Variants in ZNF93 observed in about 807,000 individuals in gnomAD.
The protein encoded by ZNF93 is zinc finger protein 505.
Under a neutral mutation model 45.0 loss-of-function variants are expected in ZNF93, and 29 were observed. The observed-to-expected ratio is 0.64, with a 90% CI of 0.48 to 0.88. ZNF93 has a LOEUF of 0.88. Among genes scored for constraint, ZNF93 ranks in the 40% least tolerant of loss-of-function variants. The pLI is 0.00. For missense variants in ZNF93, 578 were observed against 724.0 expected (o/e 0.80, Z 2.31); for synonymous variants, 223 against 244.6 (o/e 0.91, Z 0.82).
intron 3 of ZNF93, among the ~76,000 whole-genome samples, chr19:19,923,382 G>T (rs1357044935): frequency 6.6e-6 from 1 of 152,190 alleles, no homozygotes; most frequent in African/African-American, 2.4e-5. Flanking sequence ...CTACTCAGGG[G>T]TCAGGGACCC....
intron 3 of ZNF93, among the ~76,000 whole-genome samples, chr19:19,917,077 T>A (rs555208830): frequency 1.4e-4 from 21 of 152,332 alleles, no homozygotes; most frequent in Admixed American, 1.1e-3. Context: ...ATTTTTTTGT[T>A]CATTTTTCTT....
intron 3 of ZNF93, among the ~76,000 whole-genome samples, chr19:19,928,684 T>C (rs1242784575): frequency 6.6e-6 from 1 of 152,192 alleles, no homozygotes; most frequent in Non-Finnish European, 1.5e-5. Context: ...TGCACTACCA[T>C]GTAAGGCTAA....
intron 1 of ZNF93, among the ~76,000 whole-genome samples, chr19:19,912,777 G>A (rs1009968194): frequency 2.0e-5 from 3 of 151,774 alleles, no homozygotes; most frequent in Non-Finnish European, 4.4e-5. Context: ...TGAAAATTAA[G>A]AAACACTTAG....
chr19:19,919,547 A>T (rs62135326), intron 3 of ZNF93, among the ~76,000 whole-genome samples: 8 of 150,828 alleles, frequency 5.3e-5, no homozygotes, highest in Non-Finnish European at 1.0e-4. Context: ...CTTGGGCAGT[A>T]TGGCCATTTT....
intron 3 of ZNF93, among the ~76,000 whole-genome samples, chr19:19,923,392 C>T (rs2063347145): frequency 6.6e-6 from 1 of 152,174 alleles, no homozygotes; most frequent in Non-Finnish European, 1.5e-5. Flanking sequence ...GTCAGGGACC[C>T]ACTTGAATAG....
Position 19,934,830 on chromosome 19 carries a change from ATG to A in ZNF93, c.*15_*16del, listed in dbSNP as rs751196189. The A allele has an allele frequency of 1.0e-5, 16 of 1,587,944 alleles. No individual in the cohort carries two copies. The highest frequency in any genetic ancestry group is 1.7e-4 in the Middle Eastern group (1 of 5,898). On this transcript the variant is annotated 3_prime_UTR_variant, in exon 4 of 4. Coordinates refer to ENST00000343769, the MANE Select transcript of ZNF93 (RefSeq NM_031218.4). ...GGGAGAAACCCTAGAAGTGTGAAGA[ATG>A]TGGCAAAGCCTTCAAGTGGTCCTCA...
rs1599574577 is a variant in ZNF93, at chr19:19,932,924, A to C, written c.227-258A>C. ...AATCTGTAGATTAAATTGAGCAGTAAAGACATCTTCAAAATATTGTTTTTC... is the reference window on the plus strand; with the variant it reads ...AATCTGTAGATTAAATTGAGCAGTACAGACATCTTCAAAATATTGTTTTTC... On this transcript the variant is annotated intron_variant, in intron 3 of 3. Coordinates refer to ENST00000343769, the MANE Select transcript of ZNF93 (RefSeq NM_031218.4). 6 of 243,634 alleles carry C rather than the reference A, an allele frequency of 2.5e-5. No individual in the cohort carries two copies. The East Asian group carries it at 4.7e-4, about 19-fold the overall frequency. 15.1% of individuals were successfully genotyped at this position (243,634 alleles called of 1,614,324 possible). A position where few individuals can be genotyped will look rare whatever the true frequency, so the allele number is the denominator to read the frequency against.
chr19:19,921,093 C>T (rs113620445), intron 3 of ZNF93, among the ~76,000 whole-genome samples: 1 of 152,118 alleles, frequency 6.6e-6, no homozygotes, highest in Non-Finnish European at 1.5e-5. Flanking sequence ...CTATAAATTT[C>T]CCTCTACACA....
At chr19:19,922,751 T>C (rs2063345577) in intron 3 of ZNF93, among the ~76,000 whole-genome samples, 1 of 152,260 alleles carries the variant, frequency 6.6e-6, no homozygotes, top group Admixed American at 6.5e-5. Context: ...GCTTATGCAT[T>C]TGTCACATAG....
chr19:19,902,963 T>A (rs2063279711), intron 1 of ZNF93, among the ~76,000 whole-genome samples: 1 of 151,968 alleles, frequency 6.6e-6, no homozygotes, highest in Admixed American at 6.5e-5. Flanking sequence ...ATGGTCTCGA[T>A]CTCATGACCT....
chr19:19,913,099 A>G (rs2063314136), intron 1 of ZNF93, among the ~76,000 whole-genome samples: 1 of 150,850 alleles, frequency 6.6e-6, no homozygotes, highest in Non-Finnish European at 1.5e-5. Context: ...TTCTCTAACT[A>G]ATGCTCATAA....
At chr19:19,931,243 G>A (rs1051634970) in intron 3 of ZNF93, among the ~76,000 whole-genome samples, 1 of 150,424 alleles carries the variant, frequency 6.6e-6, no homozygotes, top group South Asian at 2.1e-4. Flanking sequence ...AGGCTGGAGT[G>A]CAATGGCATG....
intron 3 of ZNF93, among the ~76,000 whole-genome samples, chr19:19,931,046 A>G (rs1010978583): frequency 6.6e-6 from 1 of 151,594 alleles, no homozygotes; most frequent in Admixed American, 6.6e-5. Flanking sequence ...CTTTCTGCCT[A>G]TTTGACTTAA....
Position 19,934,907 on chromosome 19 carries a change from A to G in ZNF93, c.*89A>G, listed in dbSNP as rs1196789776. The G allele has an allele frequency of 1.4e-6, 2 of 1,393,106 alleles. No individual in the cohort carries two copies. The highest frequency in any genetic ancestry group is 2.9e-5 in the African/African-American group (2 of 69,046). The allele number at this position is 1,393,106 out of a possible 1,614,324, so 86.3% of individuals were successfully genotyped here. On this transcript the variant is annotated 3_prime_UTR_variant, in exon 4 of 4. Coordinates refer to ENST00000343769, the MANE Select transcript of ZNF93 (RefSeq NM_031218.4). ...TGAACTTACTCTGTAACCATCCCAA[A>G]CTCCTCCCAGGCACAGTCTGGCAGA...
chr19:19,930,986 T>G (rs1382918127), intron 3 of ZNF93, among the ~76,000 whole-genome samples: 1 of 151,952 alleles, frequency 6.6e-6, no homozygotes, highest in Non-Finnish European at 1.5e-5. Flanking sequence ...ACCACCTTAC[T>G]CAATTGTGGT....
rs755571648 is a variant in ZNF93 at position 19,916,560 on chromosome 19, G to T, written c.131G>T (p.Gly44Val). The change falls in exon 3 of 4, where the codon GGT (glycine) becomes GTT (valine). Residue 44 changes from glycine (G) to valine (V), a missense_variant and splice_region_variant. By Grantham distance (109) the Gly-to-Val change is moderately radical (BLOSUM62 -3). This residue lies in a region of ZNF93 where 446 missense variants were observed against 547.6 expected (regional missense o/e 0.81). Transcript: ENST00000343769. ...ATGTTATTTATTCTTAACAAAACAG[G>T]TATTGTTGTCTCTAAGCCAGACCTG... ...LENYSNLVFL[G>V]IVVSKPDLIA... 6.2e-7 allele frequency: 1 copy of T among 1,611,178 alleles called. No individual in the cohort carries two copies. Among genetic ancestry groups the T allele is most frequent in the East Asian group, 2.2e-5 (1 of 44,782 alleles).
intron 1 of ZNF93, chr19:19,909,628 A>G (rs1219340895): frequency 6.6e-6 from 1 of 152,252 alleles, no homozygotes; most frequent in Non-Finnish European, 1.5e-5. Context: ...TGTATGTCAC[A>G]TTCAAGTTTA....
chr19:19,934,263 A>C lies in ZNF93; in HGVS notation c.1308A>C (p.Ala436=). ...AAGAATGTGGCAAAGCCTTTGTTGC[A>C]TCCTCAACCCTTAGTAAACATGAGA... is the stretch of plus-strand genomic sequence containing the variant. The part of the protein sequence containing the change: ...KCEECGKAFV[A]SSTLSKHEII... Residue 436 remains alanine, a synonymous_variant, in exon 4 of 4, where the codon GCA becomes GCC. Coordinates refer to ENST00000343769, the MANE Select transcript of ZNF93 (RefSeq NM_031218.4). The C allele has an allele frequency of 1.9e-6, 3 of 1,611,298 alleles. No individual in the cohort carries two copies. The highest frequency in any genetic ancestry group is 2.5e-6 in the Non-Finnish European group (3 of 1,179,590).
intron 1 of ZNF93, chr19:19,914,894 G>T: frequency 3.1e-6 from 1 of 323,022 alleles, no homozygotes; most frequent in Non-Finnish European, 5.9e-6. Context: ...CGCATAACAA[G>T]GTCTTCAGCT....
Sources: allele counts gnomAD v4.1 joint callset (sites outside exome capture counted in the v4.1 genomes callset), GRCh38; gene constraint gnomAD v4.1.1; regional missense constraint gnomAD v4.1.1; transcripts MANE v1.5; gene names NCBI Gene and HGNC (gene_info 2026-07-23, HGNC 2026-07-21).